The following PCDHGA7 variants were observed in gnomAD, a reference collection of about 807,000 sequenced individuals.
The protein encoded by PCDHGA7 is protocadherin gamma subfamily A, 7.
A neutral mutation model predicts 58.3 loss-of-function variants in PCDHGA7; 44 were observed. The observed-to-expected ratio is 0.75, with a 90% CI of 0.59 to 0.97. The LOEUF (loss-of-function observed/expected upper bound fraction) is 0.97. Among genes scored for constraint, PCDHGA7 ranks in the 50% least tolerant of loss-of-function variants. The probability of loss-of-function intolerance (pLI) is 0.00; values close to 1 mark genes in which losing one functional copy is unlikely to be tolerated. For missense variants in PCDHGA7, 1,266 were observed against 1,188.7 expected, an observed-to-expected ratio of 1.06 and a Z score of -0.96; for synonymous variants, 516 against 504.2, an observed-to-expected ratio of 1.02 and a Z score of -0.31.
intron 1 of PCDHGA7, chr5:141,399,501 C>T (rs941107702): frequency 5.6e-6 from 9 of 1,614,032 alleles, no homozygotes; most frequent in Non-Finnish European, 7.6e-6. Flanking sequence ...TCAGTGTACC[C>T]GAAAACAACC....
rs769760594 is a variant in PCDHGA7, at chr5:141,389,212, TA to T, written c.2424+3892del. ...AGCATCACCCTGCACATTGGTGATG[TA>T]AATGACAACGCTCCGGTTTTCTCAC... On this transcript the variant is annotated intron_variant, in intron 1 of 3. Coordinates refer to ENST00000518325, the MANE Select transcript of PCDHGA7 (RefSeq NM_018920.4). 96 of 1,614,016 alleles carry T rather than the reference TA, an allele frequency of 5.9e-5. No homozygotes were observed. The East Asian group carries it at 2.0e-3, about 33-fold the overall frequency.
intron 3 of PCDHGA7, among the ~76,000 whole-genome samples, chr5:141,508,649 C>T (rs1303066200): frequency 6.6e-6 from 1 of 152,126 alleles, no homozygotes; most frequent in Non-Finnish European, 1.5e-5. Flanking sequence ...CCGTCAGGCC[C>T]TTCCTGTCAT....
intron 3 of PCDHGA7, among the ~76,000 whole-genome samples, chr5:141,510,214 A>G (rs1047332886): frequency 6.6e-6 from 1 of 151,406 alleles, no homozygotes; most frequent in Non-Finnish European, 1.5e-5. Context: ...CAGAGGTTGC[A>G]GTGAGCCGGG....
intron 1 of PCDHGA7, chr5:141,422,106 C>T: frequency 6.2e-7 from 1 of 1,607,266 alleles, no homozygotes; most frequent in Non-Finnish European, 8.5e-7. Flanking sequence ...CTGAAATATT[C>T]CAATTGGATT....
intron 1 of PCDHGA7, chr5:141,393,241 A>C (rs377394191): frequency 1.8e-4 from 292 of 1,613,684 alleles, no homozygotes; most frequent in Non-Finnish European, 2.3e-4. Context: ...GTAAAAATTA[A>C]CGAAATCGCG....
At chr5:141,427,912 A>G in intron 1 of PCDHGA7, 1 of 1,577,806 alleles carries the variant, frequency 6.3e-7, no homozygotes, top group East Asian at 2.2e-5. Flanking sequence ...CTCAGCGCCA[A>G]CATGAGCCGG....
In PCDHGA7 at chr5:141,476,533, A is replaced by G; in HGVS notation, c.2425-18274A>G. 6.2e-7 allele frequency: 1 copy of G among 1,614,184 alleles called. No individual in the cohort carries two copies. Among genetic ancestry groups the G allele is most frequent in the Non-Finnish European group, 8.5e-7 (1 of 1,180,022 alleles). On this transcript the variant is annotated intron_variant, in intron 1 of 3. Transcript: ENST00000518325. The surrounding 1 kb of genome is among the most constrained non-coding windows in gnomAD (Gnocchi z 7.6). ...ACAATCCTGCTTTCCCTACCCAGGA[A>G]ATGAAATTGGAGATTAGCGAGGCCG...
In PCDHGA7 at chr5:141,420,606, G is replaced by A. The variant is rs141099124; in HGVS notation, c.2424+35283G>A. On this transcript the variant is annotated intron_variant, in intron 1 of 3. Coordinates refer to ENST00000518325, the MANE Select transcript of PCDHGA7 (RefSeq NM_018920.4). Reference sequence around the variant, plus strand: ...CCTGATGCTACTCAATTTTTCTCAAGTATTTCATCTTCATTTACTCAATAA... The same window carrying A: ...CCTGATGCTACTCAATTTTTCTCAAATATTTCATCTTCATTTACTCAATAA... Among the ~76,000 whole-genome samples the A allele has an allele frequency of 2.7e-3, 411 of 152,256 alleles. 1 individual carries two copies. Among genetic ancestry groups the A allele is most frequent in the African/African-American group, 9.4e-3 (392 of 41,546 alleles).
intron 1 of PCDHGA7, chr5:141,419,098 G>A (rs993605209): frequency 8.7e-6 from 14 of 1,613,812 alleles, no homozygotes; most frequent in African/African-American, 2.7e-5. Context: ...TGGATCGGGA[G>A]CAGACCCCAG....
At chr5:141,405,334 T>C in intron 1 of PCDHGA7, 1 of 1,614,196 alleles carries the variant, frequency 6.2e-7, no homozygotes. Flanking sequence ...TGTGCGTCTC[T>C]GTTGATTCCA....
At position 141,505,514 on chromosome 5, in the gene PCDHGA7, G is replaced by A. The variant is rs758026551; in HGVS notation, c.2572+33G>A. The A allele has an allele frequency of 1.2e-5, 20 of 1,613,682 alleles. No homozygotes were observed. The South Asian group carries it at 1.8e-4, about 14-fold the overall frequency. ...GTGTCAGTGTGTGTATGGAAGAGTGGGAGACCTGGGGTTCTGGGGTGCATC... is the reference window on the plus strand; with the variant it reads ...GTGTCAGTGTGTGTATGGAAGAGTGAGAGACCTGGGGTTCTGGGGTGCATC... On this transcript the variant is annotated intron_variant, in intron 3 of 3. Transcript: ENST00000518325.
At chr5:141,414,421 A>G (rs1250470349) in intron 1 of PCDHGA7, 1 of 1,613,776 alleles carries the variant, frequency 6.2e-7, no homozygotes, top group African/African-American at 1.3e-5. Flanking sequence ...AGCCCTTGAC[A>G]GGGAACAGGT....
intron 1 of PCDHGA7, chr5:141,385,538 G>A (rs914768371): frequency 4.1e-5 from 55 of 1,337,642 alleles, no homozygotes; most frequent in Non-Finnish European, 4.8e-5. Flanking sequence ...TTATGAATAT[G>A]TGGACTATCA....
chr5:141,410,419 TC>T (rs769125626), intron 1 of PCDHGA7: 1 of 1,613,886 alleles, frequency 6.2e-7, no homozygotes, highest in South Asian at 1.1e-5. Flanking sequence ...GACCTGTAGT[TC>T]CCCCCAACTA....
intron 1 of PCDHGA7, chr5:141,430,809 G>T (rs949727881): frequency 2.0e-6 from 3 of 1,526,896 alleles, no homozygotes; most frequent in Non-Finnish European, 2.6e-6. Flanking sequence ...GTCCTGCTGG[G>T]AATCCTCCTG....
At chr5:141,510,658 A>G (rs1162885805) in intron 3 of PCDHGA7, among the ~76,000 whole-genome samples, 1 of 152,178 alleles carries the variant, frequency 6.6e-6, no homozygotes, top group African/African-American at 2.4e-5. Context: ...CATTTTGCAG[A>G]TGAGAAAACT....
intron 1 of PCDHGA7, among the ~76,000 whole-genome samples, chr5:141,401,855 C>T (rs1188056656): frequency 1.3e-5 from 2 of 152,164 alleles, no homozygotes; most frequent in African/African-American, 2.4e-5. Flanking sequence ...TACTTTTAAC[C>T]TTTCAGTAGT....
chr5:141,434,261 G>A (rs1269166732), intron 1 of PCDHGA7, among the ~76,000 whole-genome samples: 2 of 152,194 alleles, frequency 1.3e-5, no homozygotes. Context: ...TTGTGGGGGA[G>A]GTGGAAATTA....
At chr5:141,504,462 G>A (rs1375731108) in intron 2 of PCDHGA7, among the ~76,000 whole-genome samples, 5 of 152,074 alleles carry the variant, frequency 3.3e-5, no homozygotes, top group African/African-American at 9.7e-5. Flanking sequence ...TGGGGCAGCC[G>A]CTGGGATGGG....
Sources: allele counts gnomAD v4.1 joint callset (sites outside exome capture counted in the v4.1 genomes callset), GRCh38; gene constraint gnomAD v4.1.1; non-coding constraint Gnocchi (gnomAD v3.1); transcripts MANE v1.5; gene names NCBI Gene and HGNC (gene_info 2026-07-23, HGNC 2026-07-21).